The following MED28 variants were observed in gnomAD, a reference collection of about 807,000 sequenced individuals.
MED28 encodes the protein mediator of RNA polymerase II transcription subunit 28.
A neutral mutation model predicts 21.3 loss-of-function variants in MED28; 26 were observed. The ratio of observed to expected loss-of-function variants is 1.22; its 90% CI spans 0.89 to 1.69. The LOEUF (loss-of-function observed/expected upper bound fraction) is 1.69, where lower values mean the gene tolerates loss of function less well. MED28 is among the 40% of genes most tolerant of loss of function. The pLI is 0.00. For missense variants in MED28, 257 were observed against 215.4 expected, an observed-to-expected ratio of 1.19 and a Z score of -1.21; for synonymous variants, 110 against 87.6, an observed-to-expected ratio of 1.26 and a Z score of -1.43.
At chr4:17,614,886 T>G in intron 1 of MED28, 73 bp downstream of exon 1, 14 of 1,492,512 alleles carry the variant, frequency 9.4e-6, no homozygotes, top group Non-Finnish European at 1.3e-5. Flanking sequence ...CGTACGCGTA[T>G]CTCCTCCAGG....
Position 17,632,982 on chromosome 4 carries a change from C to T in MED28, c.*9184C>T, listed in dbSNP as rs531340048. 1.1e-3 allele frequency: 183 copies of T among 174,206 alleles called. No homozygotes were observed. Among genetic ancestry groups the T allele is most frequent in the Middle Eastern group, 5.6e-3 (2 of 358 alleles). The allele number at this position is 174,206 out of a possible 1,614,324, so 10.8% of individuals were successfully genotyped here. A position where few individuals can be genotyped will look rare whatever the true frequency, so the allele number is the denominator to read the frequency against. ...TGTCACCCAGGCTGGAGTGCAGTGG[C>T]ATGATCTCGGCTCACTGCAACCTCC... On this transcript the variant is annotated 3_prime_UTR_variant, in exon 4 of 4. Transcript: ENST00000237380.
chr4:17,621,023 T>TTTG (rs768999448), intron 2 of MED28, among the ~76,000 whole-genome samples: 27 of 149,410 alleles, frequency 1.8e-4, no homozygotes, highest in Admixed American at 5.3e-4. Flanking sequence ...CTTGTGTTTT[T>TTTG]TTTTTTTTTT....
At chr4:17,620,165 T>A (rs553320504) in intron 2 of MED28, 198 bp downstream of exon 2, 42 of 584,022 alleles carry the variant, frequency 7.2e-5, no homozygotes, top group Middle Eastern at 2.7e-4. Flanking sequence ...AACGAATCAT[T>A]TATAATGAAC....
At chr4:17,619,094 T>C (rs995753449) in intron 1 of MED28, among the ~76,000 whole-genome samples, 4 of 152,218 alleles carry the variant, frequency 2.6e-5, no homozygotes, top group Non-Finnish European at 5.9e-5. Flanking sequence ...TGCCATGCTG[T>C]TCTCTTTCTG....
Position 17,632,607 on chromosome 4 carries a change from C to T in MED28, c.*8809C>T, listed in dbSNP as rs773680468. On this transcript the variant is annotated 3_prime_UTR_variant, in exon 4 of 4. Transcript: ENST00000237380. Reference sequence around the variant, plus strand: ...TCTGCTGGACTTCTTTGGCTTGGGCCGTTTCACCATCTGGGGTCCTAAAAG... The same window carrying T: ...TCTGCTGGACTTCTTTGGCTTGGGCTGTTTCACCATCTGGGGTCCTAAAAG... The T allele has an allele frequency of 9.7e-6, 15 of 1,550,384 alleles. No homozygotes were observed. Among genetic ancestry groups the T allele is most frequent in the South Asian group, 4.8e-5 (4 of 84,000 alleles).
In MED28 at chr4:17,631,012, C is replaced by T. The variant is rs1714920103; in HGVS notation, c.*7214C>T. On this transcript the variant is annotated 3_prime_UTR_variant, in exon 4 of 4. Coordinates refer to ENST00000237380, the MANE Select transcript of MED28 (RefSeq NM_025205.5). Reference sequence around the variant, plus strand: ...ACCAAAGACTGAAAAAATATTTTGCCCCCTAAAAGTTGTTATTGAGTCTTG... The same window carrying T: ...ACCAAAGACTGAAAAAATATTTTGCTCCCTAAAAGTTGTTATTGAGTCTTG... 1 of 152,140 alleles carries T rather than the reference C, an allele frequency of 6.6e-6. No homozygotes were observed. Among genetic ancestry groups the T allele is most frequent in the African/African-American group, 2.4e-5 (1 of 41,422 alleles). 9.4% of individuals were successfully genotyped at this position (152,140 alleles called of 1,614,324 possible). A position where few individuals can be genotyped will look rare whatever the true frequency, so the allele number is the denominator to read the frequency against.
chr4:17,619,844 G>T (rs961760455), intron 1 of MED28, 57 bp from the exon 2 acceptor site: 30 of 1,507,370 alleles, frequency 2.0e-5, no homozygotes, highest in Admixed American at 3.4e-5. Flanking sequence ...TTCCTCTGGA[G>T]TAAGATTTTT....
At position 17,630,429 on chromosome 4, in the gene MED28, C is replaced by T. The variant is rs894971466; in HGVS notation, c.*6631C>T. 1 of 152,208 alleles carries T rather than the reference C, an allele frequency of 6.6e-6. No homozygotes were observed. Among genetic ancestry groups the T allele is most frequent in the African/African-American group, 2.4e-5 (1 of 41,450 alleles). 9.4% of individuals were successfully genotyped at this position (152,208 alleles called of 1,614,324 possible). ...CTCAGGGAGGCGCTCTTGCCTCTTC[C>T]ACCATGTAAGGACACGTAGCAGGCA... On this transcript the variant is annotated 3_prime_UTR_variant, in exon 4 of 4. Coordinates refer to ENST00000237380, the MANE Select transcript of MED28 (RefSeq NM_025205.5).
chr4:17,621,574 C>CT lies in MED28; in HGVS notation c.227-4dup, dbSNP rs527517388. On this transcript the variant is annotated splice_polypyrimidine_tract_variant and intron_variant, in intron 2 of 3. Transcript: ENST00000237380. ...TTTTCTTATTTTAATAATTTTGTTC[C>CT]TTTTTTTTTAAGGTGTTGATCAGTG... is the stretch of plus-strand genomic sequence containing the variant. 4.6e-3 allele frequency: 6,285 copies of CT among 1,362,960 alleles called. No individual in the cohort carries two copies. The highest frequency in any genetic ancestry group is 5.1e-3 in the Non-Finnish European group (5,150 of 1,005,876). The allele number at this position is 1,362,960 out of a possible 1,614,324, so 84.4% of individuals were successfully genotyped here. A position where few individuals can be genotyped will look rare whatever the true frequency, so the allele number is the denominator to read the frequency against.
chr4:17,623,199 G>A (rs1243455200), intron 3 of MED28, among the ~76,000 whole-genome samples: 1 of 152,096 alleles, frequency 6.6e-6, no homozygotes, highest in Non-Finnish European at 1.5e-5. Context: ...TCAGGAGTTC[G>A]AGATTAGCCT....
At chr4:17,620,460 C>T (rs1714590358) in intron 2 of MED28, among the ~76,000 whole-genome samples, 2 of 151,578 alleles carry the variant, frequency 1.3e-5, no homozygotes, top group South Asian at 2.1e-4. Context: ...CAGCCTCCCG[C>T]GTAGATGGAA....
Position 17,633,762 on chromosome 4 carries a change from T to G in MED28, c.*9964T>G. 6.4e-7 allele frequency: 1 copy of G among 1,551,454 alleles called. No homozygotes were observed. Among genetic ancestry groups the G allele is most frequent in the Middle Eastern group, 1.7e-4 (1 of 5,986 alleles). On this transcript the variant is annotated 3_prime_UTR_variant, in exon 4 of 4. Transcript: ENST00000237380. ...CCACAGCTGGGGCTTGGGTCCAAGC[T>G]GGGTGATGTAGTTATTGGAGGGGCA...
rs1456796655 is a variant in MED28, at chr4:17,627,575, C to T, written c.*3777C>T. The T allele has an allele frequency of 6.6e-6, 1 of 152,292 alleles. No homozygotes were observed. Among genetic ancestry groups the T allele is most frequent in the Non-Finnish European group, 1.5e-5 (1 of 68,138 alleles). The allele number at this position is 152,292 out of a possible 1,614,324, so 9.4% of individuals were successfully genotyped here. A position where few individuals can be genotyped will look rare whatever the true frequency, so the allele number is the denominator to read the frequency against. On this transcript the variant is annotated 3_prime_UTR_variant, in exon 4 of 4. Coordinates refer to ENST00000237380, the MANE Select transcript of MED28 (RefSeq NM_025205.5). Reference sequence around the variant, plus strand: ...AAAGCAGCTTCAAGGAGTTCAATTACAAAAGCTCCTGGCATTGGGGACCTG... The same window carrying T: ...AAAGCAGCTTCAAGGAGTTCAATTATAAAAGCTCCTGGCATTGGGGACCTG...
At position 17,630,178 on chromosome 4, in the gene MED28, AAC is replaced by A. The variant is rs1228309186; in HGVS notation, c.*6386_*6387del. On this transcript the variant is annotated 3_prime_UTR_variant, in exon 4 of 4. Coordinates refer to ENST00000237380, the MANE Select transcript of MED28 (RefSeq NM_025205.5). ...AAAGTGCAGCCTGGGAAAGTGTTTCAACACACAAAAATAGAACCACCTGTATG... is the reference window on the plus strand; with the variant it reads ...AAAGTGCAGCCTGGGAAAGTGTTTCAACACAAAAATAGAACCACCTGTATG... 1 of 152,238 alleles carries A rather than the reference AAC, an allele frequency of 6.6e-6. No homozygotes were observed. The highest frequency in any genetic ancestry group is 2.4e-5 in the African/African-American group (1 of 41,454). 9.4% of individuals were successfully genotyped at this position (152,238 alleles called of 1,614,324 possible).
chr4:17,627,708 C>T lies in MED28; in HGVS notation c.*3910C>T, dbSNP rs963717520. 1 of 152,670 alleles carries T rather than the reference C, an allele frequency of 6.6e-6. No homozygotes were observed. The highest frequency in any genetic ancestry group is 1.5e-5 in the Non-Finnish European group (1 of 68,438). The allele number at this position is 152,670 out of a possible 1,614,324, so 9.5% of individuals were successfully genotyped here. ...ACACAGGCCTCCTCTAATGAGCAGT[C>T]TGAGGCCAGGCACAGGAGGCTGAGG... On this transcript the variant is annotated 3_prime_UTR_variant, in exon 4 of 4. Transcript: ENST00000237380.
intron 2 of MED28, among the ~76,000 whole-genome samples, chr4:17,621,367 CTT>C (rs965607198): frequency 1.4e-5 from 2 of 146,302 alleles, no homozygotes; most frequent in Non-Finnish European, 1.5e-5. Flanking sequence ...ATATCTCTCT[CTT>C]TTTTTTTTTA....
At position 17,614,773 on chromosome 4, in the gene MED28, C is replaced by G. The variant is rs762030857; in HGVS notation, c.119C>G (p.Ser40Cys). 6.2e-7 allele frequency: 1 copy of G among 1,613,862 alleles called. No homozygotes were observed. The highest frequency in any genetic ancestry group is 1.7e-5 in the Admixed American group (1 of 59,926). ...LQAAPGAPRP[S>C]SSTLVDELES... ...GCAGCTCCAGGCGCTCCTAGACCTTCCAGCAGTACTTTGGTGGACGAGTTG... is the reference window on the plus strand; with the variant it reads ...GCAGCTCCAGGCGCTCCTAGACCTTGCAGCAGTACTTTGGTGGACGAGTTG... The change falls in exon 1 of 4, where the codon TCC becomes TGC. Residue 40 changes from serine (S) to cysteine (C), a missense_variant. Coordinates refer to ENST00000237380, the MANE Select transcript of MED28 (RefSeq NM_025205.5).
Position 17,614,748 on chromosome 4 carries a change from G to T in MED28, c.94G>T (p.Ala32Ser). 6.2e-7 allele frequency: 1 copy of T among 1,614,244 alleles called. No individual in the cohort carries two copies. The highest frequency in any genetic ancestry group is 8.5e-7 in the Non-Finnish European group (1 of 1,180,038). ...TCCGGGCCAAGCTTCGCTTCTTCAGGCAGCTCCAGGCGCTCCTAGACCTTC... is the reference window on the plus strand; with the variant it reads ...TCCGGGCCAAGCTTCGCTTCTTCAGTCAGCTCCAGGCGCTCCTAGACCTTC... ...GLPGQASLLQ[A>S]APGAPRPSSS... is the part of the protein sequence containing the mutation. The change falls in exon 1 of 4, where the codon GCA becomes TCA. Residue 32 changes from alanine to serine, a missense_variant. Coordinates refer to ENST00000237380, the MANE Select transcript of MED28 (RefSeq NM_025205.5).
Position 17,624,897 on chromosome 4 carries a change from C to T in MED28, c.*1099C>T, listed in dbSNP as rs961509206. On this transcript the variant is annotated 3_prime_UTR_variant, in exon 4 of 4. Coordinates refer to ENST00000237380, the MANE Select transcript of MED28 (RefSeq NM_025205.5). ...AGTTGCTGTTAAGAAATGGAGATTT[C>T]TGGCTCTCATTGGGTAAGGTTTTCT... 8.5e-5 allele frequency: 13 copies of T among 152,170 alleles called. No individual in the cohort carries two copies. The highest frequency in any genetic ancestry group is 3.1e-4 in the African/African-American group (13 of 41,452). 9.4% of individuals were successfully genotyped at this position (152,170 alleles called of 1,614,324 possible).
Sources: gnomAD v4.1 joint callset for allele counts (sites outside exome capture counted in the v4.1 genomes callset) on GRCh38, gnomAD v4.1.1 for gene constraint, MANE v1.5 for transcripts, NCBI Gene and HGNC (gene_info 2026-07-23, HGNC 2026-07-21) for gene names.